Variants in UNC93A observed in about 807,000 individuals in gnomAD.
UNC93A encodes unc-93 homolog A.
A neutral mutation model predicts 47.5 loss-of-function variants in UNC93A; 43 were observed. That is an observed-to-expected ratio of 0.91 (90% CI 0.71 to 1.17). UNC93A has a LOEUF of 1.17. Among genes scored for constraint, UNC93A ranks in the 50% most tolerant of loss-of-function variants. UNC93A has a pLI of 0.00. For missense variants in UNC93A, 605 were observed against 577.6 expected, an observed-to-expected ratio of 1.05 and a Z score of -0.49; for synonymous variants, 280 against 258.0, an observed-to-expected ratio of 1.09 and a Z score of -0.82.
chr6:167,294,730 C>T lies in UNC93A; in HGVS notation c.269+32C>T, dbSNP rs749177251. 5 of 1,559,052 alleles carry T rather than the reference C, an allele frequency of 3.2e-6. No homozygotes were observed. The East Asian group carries it at 6.8e-5, about 21-fold the overall frequency. The stretch of plus-strand genomic sequence containing the variant: ...AGCCACCACCCCCTGCCCACCCCAC[C>T]CCGGCCGTTCCCCACGCTAGGGACG... On this transcript the variant is annotated intron_variant, in intron 2 of 7. Transcript: ENST00000230256.
upstream of UNC93A, among the ~76,000 whole-genome samples, chr6:167,287,713 ATGTG>A (rs373348761): frequency 6.7e-6 from 1 of 149,340 alleles, no homozygotes; most frequent in Non-Finnish European, 1.5e-5. Context: ...GTGTGTGCAT[ATGTG>A]TGTGTGTGCA....
intron 4 of UNC93A, 105 bp from the exon 5 acceptor site, chr6:167,303,814 T>C: frequency 3.8e-6 from 4 of 1,066,516 alleles, no homozygotes; most frequent in Non-Finnish European, 5.7e-6. Context: ...GGATCTGAAT[T>C]AGCCCTCCCT....
intron 3 of UNC93A, among the ~76,000 whole-genome samples, chr6:167,296,862 A>G (rs1169747932): frequency 1.3e-5 from 2 of 152,146 alleles, no homozygotes; most frequent in Non-Finnish European, 2.9e-5. Flanking sequence ...TTACAGGAAA[A>G]CTTTCCCAAC....
intron 5 of UNC93A, among the ~76,000 whole-genome samples, chr6:167,305,409 G>A (rs1224333295): frequency 6.6e-6 from 1 of 152,200 alleles, no homozygotes; most frequent in African/African-American, 2.4e-5. Context: ...TCTCGTCTCA[G>A]TCCCTGTTCT....
chr6:167,285,876 A>G (rs1286674971), intron 1 of UNC93A, among the ~76,000 whole-genome samples: 1 of 151,332 alleles, frequency 6.6e-6, no homozygotes, highest in Non-Finnish European at 1.5e-5. Flanking sequence ...GCATGAAATA[A>G]AAAGAGTAAA....
intron 7 of UNC93A, among the ~76,000 whole-genome samples, chr6:167,313,600 G>A (rs958172702): frequency 3.9e-5 from 6 of 152,092 alleles, no homozygotes; most frequent in African/African-American, 1.4e-4. Context: ...ATTCTTGAAT[G>A]ACAGCAACCC....
intron 1 of UNC93A, among the ~76,000 whole-genome samples, chr6:167,282,013 A>T (rs73790155): frequency 0.037 from 5,663 of 152,306 alleles, 304 homozygotes; most frequent in African/African-American, 0.13. Flanking sequence ...TAAGATTCAT[A>T]TGGAAATACA....
intron 1 of UNC93A, among the ~76,000 whole-genome samples, chr6:167,292,502 C>G (rs1286059174): frequency 6.6e-6 from 1 of 152,182 alleles, no homozygotes; most frequent in East Asian, 1.9e-4. Context: ...GCCAAGGAAG[C>G]TGGAATTCAG....
intron 2 of UNC93A, 47 bp from the exon 3 acceptor site, chr6:167,295,985 G>T: frequency 1.3e-6 from 2 of 1,571,800 alleles, no homozygotes; most frequent in Non-Finnish European, 1.7e-6. Context: ...GGGTGCAATG[G>T]GCTTGCGTCT....
chr6:167,299,384 C>T (rs1225148560), intron 4 of UNC93A, among the ~76,000 whole-genome samples: 1 of 152,028 alleles, frequency 6.6e-6, no homozygotes, highest in Non-Finnish European at 1.5e-5. Context: ...TTTCCTCATG[C>T]TGAGATGATG....
rs146482775 is a variant in UNC93A, at chr6:167,315,253, C to G, written c.1175C>G (p.Ala392Gly). ...AAFANYRLWE[A>G]LGFVIAFGYS... is the part of the protein sequence containing the mutation. ...TTCGCCAATTACCGCCTGTGGGAGGCCCTGGGCTTCGTCATTGCCTTCGGG... is the reference window on the plus strand; with the variant it reads ...TTCGCCAATTACCGCCTGTGGGAGGGCCTGGGCTTCGTCATTGCCTTCGGG... Residue 392 changes from alanine (A) to glycine (G), a missense_variant, in exon 8 of 8, where the codon GCC becomes GGC. Coordinates refer to ENST00000230256, the MANE Select transcript of UNC93A (RefSeq NM_018974.4). 6.2e-7 allele frequency: 1 copy of G among 1,613,800 alleles called. No homozygotes were observed. The highest frequency in any genetic ancestry group is 2.2e-5 in the East Asian group (1 of 44,854).
intron 1 of UNC93A, among the ~76,000 whole-genome samples, chr6:167,272,422 T>C (rs1783464615): frequency 1.3e-5 from 2 of 152,216 alleles, no homozygotes; most frequent in Admixed American, 6.5e-5. Flanking sequence ...AAGGGGCCTG[T>C]TGACGAAGAG....
At chr6:167,295,115 G>T (rs1778018206) in intron 2 of UNC93A, among the ~76,000 whole-genome samples, 1 of 152,132 alleles carries the variant, frequency 6.6e-6, no homozygotes, top group East Asian at 1.9e-4. Context: ...GGTGGGTATG[G>T]CCAGGGCAGG....
At chr6:167,286,940 T>C (rs1257126208), upstream of UNC93A, among the ~76,000 whole-genome samples, 2 of 136,282 alleles carry the variant, frequency 1.5e-5, no homozygotes, top group South Asian at 2.3e-4. Flanking sequence ...ATCGCGCCAC[T>C]GCACTCCAGC....
At chr6:167,311,508 A>G (rs588981) in intron 7 of UNC93A, among the ~76,000 whole-genome samples, 53,532 of 151,928 alleles carry the variant, frequency 0.35, 9,614 homozygotes, top group East Asian at 0.53. Context: ...ATGCGCTGCC[A>G]TGAAGATACA....
intron 4 of UNC93A, among the ~76,000 whole-genome samples, chr6:167,298,967 A>G (rs557161651): frequency 4.0e-5 from 6 of 151,836 alleles, no homozygotes; most frequent in Non-Finnish European, 8.8e-5. Context: ...TACAAAAATT[A>G]GCTGAGCGAG....
chr6:167,281,957 C>T (rs1029799066), intron 1 of UNC93A, among the ~76,000 whole-genome samples: 1 of 152,160 alleles, frequency 6.6e-6, no homozygotes, highest in African/African-American at 2.4e-5. Context: ...ATGACGACCT[C>T]TACTTATTTC....
At chr6:167,283,508 C>A (rs1257864808) in intron 1 of UNC93A, among the ~76,000 whole-genome samples, 3 of 152,130 alleles carry the variant, frequency 2.0e-5, no homozygotes, top group Non-Finnish European at 4.4e-5. Flanking sequence ...CTTACAATTT[C>A]ATTTTGGTCT....
intron 1 of UNC93A, among the ~76,000 whole-genome samples, chr6:167,278,621 C>T (rs58365951): frequency 0.24 from 36,745 of 152,140 alleles, 5,018 homozygotes; most frequent in Non-Finnish European, 0.32. Context: ...TGCCTTCCAG[C>T]GACAGGATGC....
Sources: allele counts gnomAD v4.1 joint callset (sites outside exome capture counted in the v4.1 genomes callset), GRCh38; gene constraint gnomAD v4.1.1; transcripts MANE v1.5; gene names NCBI Gene and HGNC (gene_info 2026-07-23, HGNC 2026-07-21).